CCDC171: variants seen among roughly 807,000 people sequenced by gnomAD.
CCDC171 encodes coiled-coil domain-containing protein 171.
A neutral mutation model predicts 168.2 loss-of-function variants in CCDC171; 177 were observed. The ratio of observed to expected loss-of-function variants is 1.05; its 90% CI spans 0.93 to 1.19. The LOEUF (loss-of-function observed/expected upper bound fraction) is 1.19, where lower values mean the gene tolerates loss of function less well. Among genes scored for constraint, CCDC171 ranks in the 50% most tolerant of loss-of-function variants. The pLI, the probability that CCDC171 is intolerant of heterozygous loss-of-function variation, is 0.00. For synonymous variants in CCDC171, 687 were observed against 540.8 expected, an observed-to-expected ratio of 1.27 and a Z score of -3.75; for missense variants, 1,991 against 1,539.0, an observed-to-expected ratio of 1.29 and a Z score of -4.91.
intron 25 of CCDC171, among the ~76,000 whole-genome samples, chr9:15,961,702 A>G (rs541532507): frequency 2.0e-5 from 3 of 152,298 alleles, no homozygotes; most frequent in African/African-American, 7.2e-5. Flanking sequence ...AGCCATAACT[A>G]TACTAAAATA....
At chr9:15,965,465 A>G (rs767786512) in intron 25 of CCDC171, among the ~76,000 whole-genome samples, 6 of 152,216 alleles carry the variant, frequency 3.9e-5, no homozygotes, top group Non-Finnish European at 7.3e-5. Context: ...CCTTTCTACC[A>G]TTAGCAAGCT....
Position 15,971,784 on chromosome 9 carries a change from C to G in CCDC171, c.3929C>G (p.Ser1310Cys). The stretch of plus-strand genomic sequence containing the variant: ...CATGCTCTGACATCATCTCACTCCT[C>G]TCCAGTGACTATGTCTGCTAATGCC... ...VPHALTSSHS[S>C]PVTMSANANR... The change falls in exon 26 of 26, where the codon TCT becomes TGT. Residue 1310 changes from serine to cysteine, a missense_variant. Ser to Cys is a moderately radical substitution (Grantham distance 112). Transcript: ENST00000380701. The G allele has an allele frequency of 1.2e-6, 2 of 1,613,994 alleles. No homozygotes were observed. The highest frequency in any genetic ancestry group is 1.7e-6 in the Non-Finnish European group (2 of 1,179,898).
At chr9:15,639,353 A>C (rs2046425307) in intron 7 of CCDC171, among the ~76,000 whole-genome samples, 1 of 152,084 alleles carries the variant, frequency 6.6e-6, no homozygotes, top group South Asian at 2.1e-4. Context: ...ACTTCAGTTA[A>C]AAATTTGGTA....
chr9:15,628,557 C>G (rs999243496), intron 7 of CCDC171, among the ~76,000 whole-genome samples: 12 of 152,212 alleles, frequency 7.9e-5, no homozygotes, highest in Admixed American at 5.2e-4. Flanking sequence ...CACCACAGCT[C>G]AAGGAGGCCT....
At chr9:15,620,848 C>T (rs1265087014) in intron 6 of CCDC171, among the ~76,000 whole-genome samples, 4 of 152,322 alleles carry the variant, frequency 2.6e-5, no homozygotes, top group East Asian at 1.9e-4. Context: ...CTACCACCCT[C>T]ATCAGTCAGC....
chr9:15,993,618 T>G (rs892367709), intron 3 of CCDC171, among the ~76,000 whole-genome samples: 2 of 152,170 alleles, frequency 1.3e-5, no homozygotes, highest in Non-Finnish European at 2.9e-5. Flanking sequence ...CTGAAGAGCT[T>G]CTGCACAGCA....
intron 18 of CCDC171, among the ~76,000 whole-genome samples, chr9:15,746,015 A>C (rs1254346355): frequency 6.6e-6 from 1 of 152,126 alleles, no homozygotes; most frequent in African/African-American, 2.4e-5. Flanking sequence ...CCAGTAGAAA[A>C]TTTTTATCTC....
chr9:16,057,881 A>G (rs1280703944), intron 1 of CCDC171, among the ~76,000 whole-genome samples: 1 of 152,092 alleles, frequency 6.6e-6, no homozygotes, highest in Non-Finnish European at 1.5e-5. Flanking sequence ...ACCTCCCTCT[A>G]TGCCCTTGTC....
intron 21 of CCDC171, among the ~76,000 whole-genome samples, chr9:15,807,515 G>C (rs576131908): frequency 6.6e-6 from 1 of 152,154 alleles, no homozygotes; most frequent in African/African-American, 2.4e-5. Flanking sequence ...GGTCCTTCTG[G>C]GATCTCTAGC....
chr9:15,868,442 G>A (rs2061881389), intron 23 of CCDC171, among the ~76,000 whole-genome samples: 1 of 151,690 alleles, frequency 6.6e-6, no homozygotes, highest in South Asian at 2.1e-4. Context: ...TTGCTACACA[G>A]GTAACTTGTT....
chr9:15,624,995 A>C (rs1457535214), intron 7 of CCDC171, among the ~76,000 whole-genome samples: 1 of 152,326 alleles, frequency 6.6e-6, no homozygotes, highest in East Asian at 1.9e-4. Flanking sequence ...TGACTTTTTA[A>C]TGATTGCCAT....
chr9:15,700,345 C>T lies in CCDC171; in HGVS notation c.1318+5008C>T, dbSNP rs769642501. On this transcript the variant is annotated intron_variant, in intron 11 of 25. Coordinates refer to ENST00000380701, the MANE Select transcript of CCDC171 (RefSeq NM_173550.4). ...GGCCGGCTGCTCTGAGTGTGGGGCC[C>T]GCCAAGCCCACGCCCACCCGGAACT... is the stretch of plus-strand genomic sequence containing the variant. Among the ~76,000 whole-genome samples, 26 of 152,330 alleles carry T rather than the reference C, an allele frequency of 1.7e-4. No homozygotes were observed. In the South Asian group the frequency reaches 2.5e-3, roughly 15 times the overall value.
At chr9:15,892,416 T>C (rs1820341075) in intron 24 of CCDC171, among the ~76,000 whole-genome samples, 1 of 152,172 alleles carries the variant, frequency 6.6e-6, no homozygotes, top group African/African-American at 2.4e-5. Flanking sequence ...CATGCAGGGA[T>C]GTTGAATTTT....
At position 15,724,820 on chromosome 9, in the gene CCDC171, T is replaced by C. The variant is rs746136990; in HGVS notation, c.1536T>C (p.His512=). The C allele has an allele frequency of 2.7e-5, 44 of 1,613,738 alleles. No individual in the cohort carries two copies. Among genetic ancestry groups the C allele is most frequent in the Non-Finnish European group, 3.7e-5 (44 of 1,179,802 alleles). The change falls in exon 14 of 26, where the codon CAT becomes CAC. Residue 512 remains histidine, a synonymous_variant. Transcript: ENST00000380701. The part of the protein sequence containing the change: ...KLADVNKELS[H]LHTKCADREA... ...CTGATGTTAATAAAGAGTTAAGTCATTTACACACTAAATGTGCAGACCGAG... is the reference window on the plus strand; with the variant it reads ...CTGATGTTAATAAAGAGTTAAGTCACTTACACACTAAATGTGCAGACCGAG...
At chr9:15,707,312 A>AT (rs1165485301) in intron 11 of CCDC171, among the ~76,000 whole-genome samples, 2 of 152,196 alleles carry the variant, frequency 1.3e-5, no homozygotes, top group Non-Finnish European at 2.9e-5. Context: ...GCCAATGTAC[A>AT]TTTTTTGACT....
intron 25 of CCDC171, among the ~76,000 whole-genome samples, chr9:15,958,114 C>CCATTCATTCATTCATTCATT (rs34099313): frequency 6.6e-6 from 1 of 150,672 alleles, no homozygotes; most frequent in Non-Finnish European, 1.5e-5. Context: ...ACTCACTCAT[C>CCATTCATTCATTCATTCATT]CATTCATTCA....
chr9:15,627,777 A>C (rs942197478), intron 7 of CCDC171, among the ~76,000 whole-genome samples: 1 of 152,212 alleles, frequency 6.6e-6, no homozygotes, highest in Admixed American at 6.5e-5. Flanking sequence ...TGTGGTGCTG[A>C]GAAGAATGTA....
At chr9:15,933,618 G>A (rs148140872) in intron 25 of CCDC171, among the ~76,000 whole-genome samples, 70 of 151,924 alleles carry the variant, frequency 4.6e-4, no homozygotes, top group Non-Finnish European at 8.7e-4. Context: ...CTTTTTTAAT[G>A]TAGGTGCTAT....
chr9:16,063,840 A>T (rs1400665050), downstream of CCDC171, among the ~76,000 whole-genome samples: 1 of 152,240 alleles, frequency 6.6e-6, no homozygotes, highest in Non-Finnish European at 1.5e-5. Context: ...CAAGTGACTC[A>T]CCCGAGGTCA....
Sources: allele counts gnomAD v4.1 joint callset (sites outside exome capture counted in the v4.1 genomes callset), GRCh38; gene constraint gnomAD v4.1.1; transcripts MANE v1.5; gene names NCBI Gene and HGNC (gene_info 2026-07-23, HGNC 2026-07-21).